The following GPC5 variants were observed in gnomAD, a reference collection of about 807,000 sequenced individuals.
GPC5 encodes glypican 5, also known as glypican-5.
A neutral mutation model predicts 53.9 loss-of-function variants in GPC5; 47 were observed. That is an observed-to-expected ratio of 0.87 (90% confidence interval 0.69 to 1.11). The LOEUF (loss-of-function observed/expected upper bound fraction) is 1.11, where lower values mean the gene tolerates loss of function less well. GPC5 is among the 50% of genes most tolerant of loss of function. GPC5 has a pLI of 0.00. For synonymous variants in GPC5, 286 were observed against 263.3 expected, an observed-to-expected ratio of 1.09 and a Z score of -0.84; for missense variants, 748 against 713.1, an observed-to-expected ratio of 1.05 and a Z score of -0.56.
At chr13:92,740,013 C>T (rs1412743879) in intron 7 of GPC5, among the ~76,000 whole-genome samples, 1 of 152,012 alleles carries the variant, frequency 6.6e-6, no homozygotes, top group Non-Finnish European at 1.5e-5. Context: ...TCAGTACAGC[C>T]CATTGGCCCC....
intron 7 of GPC5, among the ~76,000 whole-genome samples, chr13:92,695,522 A>G (rs543615753): frequency 1.3e-5 from 2 of 151,272 alleles, no homozygotes; most frequent in South Asian, 2.1e-4. Flanking sequence ...TTTTTTTTTC[A>G]TCTTGTGAAA....
At chr13:91,523,474 G>A (rs1284215419) in intron 2 of GPC5, among the ~76,000 whole-genome samples, 3 of 152,176 alleles carry the variant, frequency 2.0e-5, no homozygotes, top group East Asian at 1.9e-4. Flanking sequence ...AAGCCACCAC[G>A]GAGAGACAAA....
chr13:92,417,750 A>T (rs1876376581), intron 7 of GPC5, among the ~76,000 whole-genome samples: 1 of 151,936 alleles, frequency 6.6e-6, no homozygotes, highest in Non-Finnish European at 1.5e-5. Context: ...AATTAGCCTG[A>T]TGTGGTGGCA....
intron 2 of GPC5, among the ~76,000 whole-genome samples, chr13:91,528,159 G>C (rs1296418265): frequency 6.6e-6 from 1 of 152,140 alleles, no homozygotes; most frequent in Admixed American, 6.5e-5. Context: ...TGCATGGTCA[G>C]GCTGCAAATT....
intron 2 of GPC5, among the ~76,000 whole-genome samples, chr13:91,570,010 A>G (rs1210582232): frequency 6.6e-6 from 1 of 152,214 alleles, no homozygotes; most frequent in African/African-American, 2.4e-5. Flanking sequence ...TAACAATTTA[A>G]GTGAAGGTTT....
chr13:91,734,721 G>T (rs1260363781), intron 4 of GPC5, among the ~76,000 whole-genome samples: 2 of 151,402 alleles, frequency 1.3e-5, no homozygotes, highest in South Asian at 4.1e-4. Context: ...TCCTTTGGTG[G>T]TGAATAAAGT....
intron 7 of GPC5, among the ~76,000 whole-genome samples, chr13:92,244,494 ATTCCAGTAAAT>A (rs375454714): frequency 2.0e-5 from 3 of 152,160 alleles, no homozygotes; most frequent in Admixed American, 1.3e-4. Context: ...GTTCCCTAAC[ATTCCAGTAAAT>A]TTCCAGAGAT....
chr13:91,489,979 G>A (rs1883845536), intron 2 of GPC5, among the ~76,000 whole-genome samples: 1 of 152,196 alleles, frequency 6.6e-6, no homozygotes, highest in Non-Finnish European at 1.5e-5. Context: ...GGAGGGGGGA[G>A]TGAGTCACCT....
chr13:92,576,514 C>A (rs1218793755), intron 7 of GPC5, among the ~76,000 whole-genome samples: 4 of 152,186 alleles, frequency 2.6e-5, no homozygotes, highest in Non-Finnish European at 4.4e-5. Flanking sequence ...AGGTGTTCAT[C>A]ACTAAAGCAA....
chr13:92,279,778 A>G (rs1342933582), intron 7 of GPC5, among the ~76,000 whole-genome samples: 2 of 151,998 alleles, frequency 1.3e-5, no homozygotes, highest in African/African-American at 4.8e-5. Flanking sequence ...CCACTTTGCT[A>G]TGGTATATAA....
intron 2 of GPC5, among the ~76,000 whole-genome samples, chr13:91,676,010 G>GA (rs1242348104): frequency 5.3e-5 from 8 of 152,190 alleles, no homozygotes; most frequent in African/African-American, 1.9e-4. Context: ...GTCTTGATGT[G>GA]AATCAGGAGC....
At chr13:92,692,669 T>TTAAAGTATAA (rs1293789930) in intron 7 of GPC5, among the ~76,000 whole-genome samples, 1 of 148,520 alleles carries the variant, frequency 6.7e-6, no homozygotes, top group African/African-American at 2.5e-5. Context: ...ACCCTAAAAC[T>TTAAAGTATAA]TAAAGTATAA....
At chr13:91,516,589 T>C (rs1594196193) in intron 2 of GPC5, among the ~76,000 whole-genome samples, 1 of 152,116 alleles carries the variant, frequency 6.6e-6, no homozygotes, top group African/African-American at 2.4e-5. Context: ...CAGGTGCAAG[T>C]TGCAAGCTTT....
At chr13:92,260,572 C>T (rs940600097) in intron 7 of GPC5, among the ~76,000 whole-genome samples, 3 of 152,088 alleles carry the variant, frequency 2.0e-5, no homozygotes, top group Admixed American at 1.3e-4. Context: ...CCACTGCACC[C>T]GGAACTGAGG....
chr13:91,749,145 A>G (rs2037115742), intron 4 of GPC5, among the ~76,000 whole-genome samples: 1 of 152,084 alleles, frequency 6.6e-6, no homozygotes, highest in Non-Finnish European at 1.5e-5. Context: ...CAAATAGTGT[A>G]CATTGTACCC....
chr13:92,146,964 G>A (rs765726552), intron 7 of GPC5, among the ~76,000 whole-genome samples: 1 of 151,948 alleles, frequency 6.6e-6, no homozygotes, highest in Non-Finnish European at 1.5e-5. Flanking sequence ...ATAAAGGTTT[G>A]AAAGTGGAAT....
chr13:91,408,036 C>T (rs567323070), intron 1 of GPC5, among the ~76,000 whole-genome samples: 2 of 152,276 alleles, frequency 1.3e-5, no homozygotes, highest in East Asian at 3.9e-4. Context: ...ATTACCTCAC[C>T]TAGTTACCAA....
chr13:91,781,358 A>AAT (rs1222811972), intron 5 of GPC5, among the ~76,000 whole-genome samples: 1 of 152,214 alleles, frequency 6.6e-6, no homozygotes, highest in East Asian at 1.9e-4. Context: ...CTGTACTGAG[A>AAT]ATAGTTGGGT....
intron 7 of GPC5, among the ~76,000 whole-genome samples, chr13:92,150,553 A>C (rs1410695309): frequency 2.0e-5 from 3 of 152,056 alleles, no homozygotes; most frequent in Non-Finnish European, 4.4e-5. Flanking sequence ...TGGAATGTAG[A>C]TACCTAATGA....
Sources: allele counts gnomAD v4.1 joint callset (sites outside exome capture counted in the v4.1 genomes callset), GRCh38; gene constraint gnomAD v4.1.1; transcripts MANE v1.5; gene names NCBI Gene and HGNC (gene_info 2026-07-23, HGNC 2026-07-21).